CYREN: variants seen among roughly 807,000 people sequenced by gnomAD.
CYREN encodes cell cycle regulator of non-homologous end joining.
CYREN carries 7 observed loss-of-function variants against 9.7 expected under a neutral mutation model. That is an observed-to-expected ratio of 0.72 (90% CI 0.41 to 1.36). The LOEUF (loss-of-function observed/expected upper bound fraction) is 1.36. CYREN is among the 40% of genes most tolerant of loss of function. CYREN has a pLI of 0.01. For synonymous variants in CYREN, 76 were observed against 77.9 expected (o/e 0.98, Z 0.13); for missense variants, 215 against 198.1 (o/e 1.09, Z -0.51).
chr7:135,135,415 C>A, intron 2 of CYREN: 1 of 473,888 alleles, frequency 2.1e-6, no homozygotes, highest in Non-Finnish European at 3.5e-6. Context: ...ATCCCATCTT[C>A]TGTAGTGGGA....
intron 2 of CYREN, among the ~76,000 whole-genome samples, chr7:135,155,687 C>CA (rs1829775024): frequency 6.6e-6 from 1 of 151,960 alleles, no homozygotes; most frequent in South Asian, 2.1e-4. Flanking sequence ...CTTGTCTCTA[C>CA]AAAAAAATTA....
In CYREN at chr7:135,151,027, T is replaced by C. The variant is rs1340553848; in HGVS notation, n.356+17722A>G. Among the ~76,000 whole-genome samples, 1 of 152,266 alleles carries C rather than the reference T, an allele frequency of 6.6e-6. No homozygotes were observed. The highest frequency in any genetic ancestry group is 1.9e-4 in the East Asian group (1 of 5,206). On this transcript the variant is annotated intron_variant and non_coding_transcript_variant, in intron 2 of 2. Coordinates refer to the CYREN transcript ENST00000459937. The surrounding 1 kb of genome is among the most constrained non-coding windows in gnomAD (Gnocchi z 4.3). ...AGCAAGTTAATATTAATGGAACCAT[T>C]TAAACAGCTATCTCAATGGCTTGTC... is the stretch of plus-strand genomic sequence containing the variant.
chr7:135,102,696 T>A (rs1824030383), intron 2 of CYREN, among the ~76,000 whole-genome samples: 1 of 151,570 alleles, frequency 6.6e-6, no homozygotes, highest in Non-Finnish European at 1.5e-5. Flanking sequence ...CATAAAATGA[T>A]CATCTATTTG....
chr7:135,122,553 G>A (rs1343955305), intron 2 of CYREN, among the ~76,000 whole-genome samples: 1 of 152,110 alleles, frequency 6.6e-6, no homozygotes, highest in African/African-American at 2.4e-5. Flanking sequence ...TCGTTAAATG[G>A]GTCCTGTTCC....
chr7:135,134,239 C>T (rs1467912718), intron 2 of CYREN, among the ~76,000 whole-genome samples: 1 of 151,972 alleles, frequency 6.6e-6, no homozygotes, highest in Admixed American at 6.6e-5. Context: ...CTCTGTATTA[C>T]TTCTCTCAAA....
downstream of CYREN, chr7:135,164,829 G>A (rs150916088): frequency 1.4e-4 from 229 of 1,614,062 alleles, no homozygotes; most frequent in Admixed American, 1.7e-4. Flanking sequence ...GCTGGCAGGC[G>A]GCCTGGGCCT....
intron 2 of CYREN, among the ~76,000 whole-genome samples, chr7:135,116,777 G>T (rs1044735586): frequency 6.6e-6 from 1 of 152,172 alleles, no homozygotes; most frequent in African/African-American, 2.4e-5. Flanking sequence ...CTGTTTATCT[G>T]TGGTGCTTGG....
intron 2 of CYREN, among the ~76,000 whole-genome samples, chr7:135,101,873 A>G (rs777010933): frequency 2.6e-5 from 4 of 152,170 alleles, no homozygotes; most frequent in Non-Finnish European, 1.5e-5. Flanking sequence ...CATGAGAGAT[A>G]ATTGAATCAT....
At chr7:135,144,541 G>A (rs1342083085) in intron 2 of CYREN, among the ~76,000 whole-genome samples, 2 of 152,054 alleles carry the variant, frequency 1.3e-5, no homozygotes, top group African/African-American at 4.8e-5. Flanking sequence ...GGCCAGCTAG[G>A]TTGCCAGAGA....
At chr7:135,157,592 G>GT (rs1162217479) in intron 2 of CYREN, among the ~76,000 whole-genome samples, 2 of 152,230 alleles carry the variant, frequency 1.3e-5, no homozygotes, top group African/African-American at 2.4e-5. Flanking sequence ...GGTGAGCCCA[G>GT]TGTGTGGGCA....
chr7:135,135,026 AAATCT>A, intron 2 of CYREN: 2 of 1,551,234 alleles, frequency 1.3e-6, no homozygotes, highest in South Asian at 2.4e-5. Context: ...AAACATTCTC[AAATCT>A]GGGCCATAAA....
chr7:135,171,939 C>A (rs117226195), upstream of CYREN, among the ~76,000 whole-genome samples: 1,845 of 152,374 alleles, frequency 0.012, 118 homozygotes, highest in East Asian at 0.19. Context: ...CGGGAAGGAA[C>A]TGGCACTTGA....
chr7:135,110,538 A>G (rs1330353157), intron 2 of CYREN, among the ~76,000 whole-genome samples: 8 of 152,146 alleles, frequency 5.3e-5, no homozygotes, highest in African/African-American at 1.9e-4. Flanking sequence ...CTGTGGGAGA[A>G]GCGTGGGTCC....
Position 135,168,775 on chromosome 7 carries a change from A to G in CYREN, c.137+11T>C, listed in dbSNP as rs1406156010. The stretch of plus-strand genomic sequence containing the variant: ...AGATTCGCAGGAGTCTTCTGACCAG[A>G]GCTGTCGCACCTTGCTGCTGCCACT... On this transcript the variant is annotated intron_variant, in intron 2 of 3. Coordinates refer to ENST00000393114, the MANE Select transcript of CYREN (RefSeq NM_024033.4). 5 of 1,612,914 alleles carry G rather than the reference A, an allele frequency of 3.1e-6. No individual in the cohort carries two copies.
chr7:135,100,989 T>C (rs17231212), intron 2 of CYREN, among the ~76,000 whole-genome samples: 9,190 of 152,324 alleles, frequency 0.06, 454 homozygotes, highest in Non-Finnish European at 0.092. Context: ...TACCCTGAGG[T>C]GTAATATGCA....
At chr7:135,167,137 A>T in intron 3 of CYREN, 1 of 985,416 alleles carries the variant, frequency 1.0e-6, no homozygotes, top group Non-Finnish European at 1.2e-6. Flanking sequence ...AGGAAAAAGA[A>T]ATGGAAGAAA....
downstream of CYREN, among the ~76,000 whole-genome samples, chr7:135,161,769 C>T (rs1829945360): frequency 6.6e-6 from 1 of 152,210 alleles, no homozygotes; most frequent in African/African-American, 2.4e-5. The surrounding 1 kb of genome is among the most constrained non-coding windows in gnomAD (Gnocchi z 4.1). Context: ...CCCTCTGGGA[C>T]CTCCAGAGCC....
At chr7:135,124,916 T>C (rs1033364336) in intron 2 of CYREN, among the ~76,000 whole-genome samples, 1 of 152,100 alleles carries the variant, frequency 6.6e-6, no homozygotes, top group Admixed American at 6.5e-5. Flanking sequence ...AAGGGGGAAA[T>C]TTATGGCACT....
chr7:135,104,783 T>C (rs917516527), intron 2 of CYREN, among the ~76,000 whole-genome samples: 3 of 151,916 alleles, frequency 2.0e-5, no homozygotes, highest in African/African-American at 7.2e-5. Flanking sequence ...TTTGGTTTTT[T>C]TTTTTCTTGT....
Sources: gnomAD v4.1 joint callset for allele counts (sites outside exome capture counted in the v4.1 genomes callset) on GRCh38, gnomAD v4.1.1 for gene constraint, Gnocchi (gnomAD v3.1) non-coding constraint, MANE v1.5 for transcripts, NCBI Gene and HGNC (gene_info 2026-07-23, HGNC 2026-07-21) for gene names.